The following MCPH1 variants were observed in gnomAD, a reference collection of about 807,000 sequenced individuals.
MCPH1 encodes microcephalin.
In MCPH1, 104 loss-of-function variants were observed where a neutral mutation model predicts 84.5. That is an observed-to-expected ratio of 1.23 (90% CI 1.05 to 1.45). MCPH1 has a LOEUF of 1.45. Ranked by LOEUF, MCPH1 falls within the 40% of genes most tolerant of loss-of-function variation. MCPH1 has a pLI of 0.00. For missense variants in MCPH1, 1,498 were observed against 1,005.7 expected, an observed-to-expected ratio of 1.49 and a Z score of -6.62; for synonymous variants, 514 against 366.8, an observed-to-expected ratio of 1.40 and a Z score of -4.58.
chr8:6,435,227 T>C (rs956455753), intron 4 of MCPH1, among the ~76,000 whole-genome samples: 5 of 152,190 alleles, frequency 3.3e-5, no homozygotes, highest in African/African-American at 1.2e-4. Context: ...GTTTTATTAC[T>C]GTGTTGTGGT....
At chr8:6,547,817 G>C (rs1822878287) in intron 12 of MCPH1, among the ~76,000 whole-genome samples, 1 of 152,134 alleles carries the variant, frequency 6.6e-6, no homozygotes, top group Non-Finnish European at 1.5e-5. Context: ...ACCGGAAGAA[G>C]GGAGCCGTGG....
At chr8:6,578,092 C>G (rs906248364) in intron 12 of MCPH1, among the ~76,000 whole-genome samples, 3 of 152,318 alleles carry the variant, frequency 2.0e-5, no homozygotes, top group African/African-American at 2.4e-5. Context: ...TCTTCTTTCA[C>G]CACAGCTACA....
intron 12 of MCPH1, among the ~76,000 whole-genome samples, chr8:6,604,304 A>G (rs1829590691): frequency 6.6e-6 from 1 of 152,230 alleles, no homozygotes; most frequent in South Asian, 2.1e-4. Flanking sequence ...ACTGCCTGCC[A>G]CATTCCAGCC....
chr8:6,567,670 G>T (rs896029925), intron 12 of MCPH1, among the ~76,000 whole-genome samples: 2 of 152,146 alleles, frequency 1.3e-5, no homozygotes, highest in Non-Finnish European at 1.5e-5. Flanking sequence ...GGCCCTTGAA[G>T]GCATTAGGTG....
At chr8:6,535,643 TAAAAG>T (rs554100886) in intron 12 of MCPH1, among the ~76,000 whole-genome samples, 88 of 152,220 alleles carry the variant, frequency 5.8e-4, no homozygotes, top group Non-Finnish European at 1.1e-3. Flanking sequence ...ATCATTTAAA[TAAAAG>T]AAAATTCTGT....
intron 12 of MCPH1, among the ~76,000 whole-genome samples, chr8:6,557,258 C>G (rs1366799205): frequency 6.6e-6 from 1 of 152,248 alleles, no homozygotes; most frequent in East Asian, 1.9e-4. Flanking sequence ...GCAGAGGGTA[C>G]TGGTGTTAGC....
intron 12 of MCPH1, among the ~76,000 whole-genome samples, chr8:6,550,588 G>A (rs530968055): frequency 1.3e-5 from 2 of 152,394 alleles, no homozygotes; most frequent in East Asian, 3.9e-4. Context: ...TGTGACAGCT[G>A]TGGGCTGTGT....
rs1354638021 is a variant in MCPH1 at position 6,414,864 on chromosome 8, T to G, written c.214T>G (p.Ser72Ala). ...TCAGAAGAGAGGCGTAAAGCTCGTT[T>G]CGGTGCTCTGGGTGGAAAAGTAAGC... is the stretch of plus-strand genomic sequence containing the variant. ...KAQKRGVKLV[S>A]VLWVEKCRTA... Residue 72 changes from serine to alanine, a missense_variant, in exon 3 of 14, where the codon TCG becomes GCG. Transcript: ENST00000344683. 1 of 1,613,810 alleles carries G rather than the reference T, an allele frequency of 6.2e-7. No individual in the cohort carries two copies. Among genetic ancestry groups the G allele is most frequent in the African/African-American group, 1.3e-5 (1 of 74,982 alleles).
chr8:6,514,730 G>T (rs752903054), intron 12 of MCPH1: 4 of 1,613,856 alleles, frequency 2.5e-6, no homozygotes, highest in Admixed American at 1.7e-5. Context: ...TCCTCACGTC[G>T]CTGAATAATT....
chr8:6,439,508 C>A (rs1407719288), intron 6 of MCPH1, among the ~76,000 whole-genome samples: 1 of 151,766 alleles, frequency 6.6e-6, no homozygotes, highest in Non-Finnish European at 1.5e-5. Flanking sequence ...CCTCAGCCTC[C>A]CGAGTAGCTG....
At chr8:6,535,947 C>G (rs554425414) in intron 12 of MCPH1, among the ~76,000 whole-genome samples, 2 of 151,646 alleles carry the variant, frequency 1.3e-5, no homozygotes, top group Admixed American at 6.6e-5. Context: ...GTCTCAGGTA[C>G]TGGGGAGGCT....
intron 11 of MCPH1, among the ~76,000 whole-genome samples, chr8:6,481,501 CTGG>C (rs1433221115): frequency 1.3e-5 from 2 of 152,226 alleles, no homozygotes; most frequent in African/African-American, 4.8e-5. Flanking sequence ...GCATTCCTTT[CTGG>C]TGACAGTAGC....
intron 12 of MCPH1, among the ~76,000 whole-genome samples, chr8:6,595,778 A>G (rs1407265589): frequency 2.0e-5 from 3 of 152,216 alleles, no homozygotes; most frequent in African/African-American, 7.2e-5. Context: ...TGCACAGGGA[A>G]GAGCATCAGG....
intron 12 of MCPH1, among the ~76,000 whole-genome samples, chr8:6,607,162 G>T (rs1217172104): frequency 1.3e-5 from 2 of 152,154 alleles, no homozygotes. Context: ...CTCCCCTGGG[G>T]CAGGTTATAA....
At chr8:6,452,194 C>T (rs925431651) in intron 8 of MCPH1, among the ~76,000 whole-genome samples, 1 of 152,164 alleles carries the variant, frequency 6.6e-6, no homozygotes, top group Non-Finnish European at 1.5e-5. Flanking sequence ...TCATTTTCTT[C>T]TCTTTTCCCT....
chr8:6,434,926 A>G lies in MCPH1; in HGVS notation c.322-1122A>G, dbSNP rs140798595. Among the ~76,000 whole-genome samples the G allele has an allele frequency of 1.5e-3, 232 of 152,300 alleles. 2 individuals are homozygous for G. The highest frequency in any genetic ancestry group is 5.2e-3 in the African/African-American group (218 of 41,570). ...AAGTTCAGTATGTGTATTTGTGCTG[A>G]TGGCTGGGCTAAAGACGGGAAGTCA... On this transcript the variant is annotated intron_variant, in intron 4 of 13. Coordinates refer to ENST00000344683, the MANE Select transcript of MCPH1 (RefSeq NM_024596.5).
intron 12 of MCPH1, among the ~76,000 whole-genome samples, chr8:6,515,308 C>T (rs746118883): frequency 2.6e-5 from 4 of 152,114 alleles, no homozygotes; most frequent in East Asian, 3.9e-4. Context: ...GGCTGTTTGG[C>T]TTCCTTTATG....
chr8:6,482,524 C>T (rs1005529627), intron 11 of MCPH1, among the ~76,000 whole-genome samples: 2 of 152,234 alleles, frequency 1.3e-5, no homozygotes, highest in African/African-American at 4.8e-5. Context: ...TCTGACTACT[C>T]TCCCTTCCCT....
chr8:6,485,357 G>T lies in MCPH1; in HGVS notation c.2136+4481G>T, dbSNP rs77034256. ...AAAAAGTATATCTTACATATCTAAC[G>T]TGCTTTCCAAATGGAGATGTTTGAG... On this transcript the variant is annotated intron_variant, in intron 11 of 13. Transcript: ENST00000344683. Among the ~76,000 whole-genome samples, 54 of 151,884 alleles carry T rather than the reference G, an allele frequency of 3.6e-4. No individual in the cohort carries two copies. The East Asian group carries it at 9.9e-3, about 28-fold the overall frequency.
Sources: allele counts gnomAD v4.1 joint callset (sites outside exome capture counted in the v4.1 genomes callset), GRCh38; gene constraint gnomAD v4.1.1; transcripts MANE v1.5; gene names NCBI Gene and HGNC (gene_info 2026-07-23, HGNC 2026-07-21).